The following OPCML variants were observed in gnomAD, a reference collection of about 807,000 sequenced individuals.
OPCML encodes opioid-binding protein/cell adhesion molecule.
Under a neutral mutation model 37.8 loss-of-function variants are expected in OPCML, and 13 were observed. That is an observed-to-expected ratio of 0.34 (90% CI 0.22 to 0.55). The LOEUF (loss-of-function observed/expected upper bound fraction) is 0.55, where lower values mean the gene tolerates loss of function less well. Ranked by LOEUF, OPCML falls within the 20% of genes least tolerant of loss-of-function variation. OPCML has a pLI of 0.91. For synonymous variants in OPCML, 176 were observed against 168.8 expected (o/e 1.04, Z -0.33); for missense variants, 341 against 435.6 (o/e 0.78, Z 1.93).
At chr11:133,002,336 G>T (rs1947020287) in intron 1 of OPCML, among the ~76,000 whole-genome samples, 2 of 152,176 alleles carry the variant, frequency 1.3e-5, no homozygotes. Context: ...TTCCAGGTCT[G>T]TATAGACAGA....
At chr11:132,861,790 G>A (rs1022881443) in intron 2 of OPCML, among the ~76,000 whole-genome samples, 27 of 148,638 alleles carry the variant, frequency 1.8e-4, no homozygotes, top group African/African-American at 5.5e-4. Flanking sequence ...AGCTGAGATC[G>A]CACCATTGCA....
At position 133,359,779 on chromosome 11, in the gene OPCML, T is replaced by C. The variant is rs546168478; in HGVS notation, c.61+172485A>G. Among the ~76,000 whole-genome samples, 10 of 152,348 alleles carry C rather than the reference T, an allele frequency of 6.6e-5. 1 individual carries two copies. Among genetic ancestry groups the C allele is most frequent in the Admixed American group, 6.5e-4 (10 of 15,308 alleles). ...CATGGAATGGAGCATATTTAACTTA[T>C]CTTGTTATCCTCGGTATTTAGCGTA... On this transcript the variant is annotated intron_variant, in intron 1 of 7. Transcript: ENST00000524381.
chr11:132,415,989 T>C lies in OPCML; in HGVS notation c.*4204A>G, dbSNP rs768988683. 2 of 152,638 alleles carry C rather than the reference T, an allele frequency of 1.3e-5. No individual in the cohort carries two copies. The highest frequency in any genetic ancestry group is 1.3e-4 in the Admixed American group (2 of 15,280). 9.5% of individuals were successfully genotyped at this position (152,638 alleles called of 1,614,324 possible). A position where few individuals can be genotyped will look rare whatever the true frequency, so the allele number is the denominator to read the frequency against. ...TTTTACTCAAGTGCTCAAACTTATTTGTCTTCAAGTAAAAAGACAGGGAAG... is the reference window on the plus strand; with the variant it reads ...TTTTACTCAAGTGCTCAAACTTATTCGTCTTCAAGTAAAAAGACAGGGAAG... On this transcript the variant is annotated 3_prime_UTR_variant, in exon 8 of 8. Transcript: ENST00000524381.
In OPCML at chr11:133,314,051, C is replaced by T. The variant is rs558600749; in HGVS notation, c.61+218213G>A. Among the ~76,000 whole-genome samples the T allele has an allele frequency of 1.5e-3, 226 of 150,980 alleles. 4 individuals carry two copies. Among genetic ancestry groups the T allele is most frequent in the Middle Eastern group, 0.01 (3 of 292 alleles). On this transcript the variant is annotated intron_variant, in intron 1 of 7. Coordinates refer to ENST00000524381, the MANE Select transcript of OPCML (RefSeq NM_001012393.5). ...GAGATCGAGACCATCCCGGCTAACA[C>T]GGTGAAACCTCGTCTCTACTAAAAA... is the stretch of plus-strand genomic sequence containing the variant.
At chr11:132,430,916 G>C (rs1402092340) in intron 7 of OPCML, among the ~76,000 whole-genome samples, 1 of 152,144 alleles carries the variant, frequency 6.6e-6, no homozygotes, top group Admixed American at 6.5e-5. Flanking sequence ...AGGATGGGGG[G>C]ATGGGGCTTC....
chr11:133,191,030 G>T (rs537694355), intron 1 of OPCML, among the ~76,000 whole-genome samples: 5 of 151,906 alleles, frequency 3.3e-5, no homozygotes, highest in Admixed American at 3.3e-4. Context: ...GAATATTAGG[G>T]TAACCACACC....
intron 1 of OPCML, among the ~76,000 whole-genome samples, chr11:132,964,288 C>T (rs191231658): frequency 2.0e-5 from 3 of 152,306 alleles, no homozygotes; most frequent in Admixed American, 2.0e-4. Flanking sequence ...CAGTTACAAG[C>T]CTGGTGTGCA....
chr11:133,043,001 G>T (rs1400564481), intron 1 of OPCML, among the ~76,000 whole-genome samples: 1 of 152,126 alleles, frequency 6.6e-6, no homozygotes, highest in Non-Finnish European at 1.5e-5. Flanking sequence ...AACACTTGCA[G>T]ACACCCAGCA....
At chr11:132,963,108 G>A (rs1407701214) in intron 1 of OPCML, among the ~76,000 whole-genome samples, 2 of 152,134 alleles carry the variant, frequency 1.3e-5, no homozygotes, top group African/African-American at 4.8e-5. Flanking sequence ...ATGCTTGCAG[G>A]GTGGGCTTCA....
At chr11:133,300,897 G>A (rs1942759621) in intron 1 of OPCML, 1 of 152,232 alleles carries the variant, frequency 6.6e-6, no homozygotes, top group African/African-American at 2.4e-5. Flanking sequence ...GAAGCTGGAA[G>A]AGAGGAGAAA....
chr11:132,972,811 C>G (rs1946372776), intron 1 of OPCML, among the ~76,000 whole-genome samples: 1 of 152,144 alleles, frequency 6.6e-6, no homozygotes, highest in African/African-American at 2.4e-5. Context: ...GAAACCGCAG[C>G]CCCCTGCTCC....
At chr11:133,333,488 T>C (rs1943672511) in intron 1 of OPCML, among the ~76,000 whole-genome samples, 1 of 152,022 alleles carries the variant, frequency 6.6e-6, no homozygotes, top group South Asian at 2.1e-4. Context: ...TACACAAAAA[T>C]CAACTCAAGA....
intron 1 of OPCML, among the ~76,000 whole-genome samples, chr11:133,003,068 A>G (rs1175534233): frequency 6.6e-6 from 1 of 152,234 alleles, no homozygotes; most frequent in Non-Finnish European, 1.5e-5. Flanking sequence ...CAGATATTGA[A>G]AAGAAAAACA....
intron 3 of OPCML, among the ~76,000 whole-genome samples, chr11:132,652,622 C>T (rs964106892): frequency 6.6e-6 from 1 of 152,192 alleles, no homozygotes; most frequent in Non-Finnish European, 1.5e-5. Flanking sequence ...ACTACAGCCT[C>T]CCAGGGCTTG....
chr11:133,054,993 C>A, intron 1 of OPCML, among the ~76,000 whole-genome samples: 1 of 148,260 alleles, frequency 6.7e-6, no homozygotes, highest in South Asian at 2.3e-4. Context: ...TACAATGCTG[C>A]CTCCATGATA....
chr11:132,600,408 G>A (rs1937771083), intron 3 of OPCML, among the ~76,000 whole-genome samples: 1 of 152,196 alleles, frequency 6.6e-6, no homozygotes. Context: ...GCCAGCATGG[G>A]TCTTCCCAGC....
chr11:133,070,123 TAA>T (rs1281751468), intron 1 of OPCML, among the ~76,000 whole-genome samples: 1 of 152,210 alleles, frequency 6.6e-6, no homozygotes, highest in African/African-American at 2.4e-5. Flanking sequence ...CGTTCCACCA[TAA>T]AGTGATTTAG....
chr11:133,330,519 A>G (rs1487013685), intron 1 of OPCML, among the ~76,000 whole-genome samples: 1 of 152,202 alleles, frequency 6.6e-6, no homozygotes, highest in Non-Finnish European at 1.5e-5. Context: ...AAAAATGATG[A>G]GTTCATGTCC....
intron 1 of OPCML, among the ~76,000 whole-genome samples, chr11:133,021,448 C>T (rs1435790723): frequency 6.6e-6 from 1 of 151,998 alleles, no homozygotes. Context: ...AGTTCACAAG[C>T]CGAAGACACA....
Sources: allele counts gnomAD v4.1 joint callset (sites outside exome capture counted in the v4.1 genomes callset), GRCh38; gene constraint gnomAD v4.1.1; transcripts MANE v1.5; gene names NCBI Gene and HGNC (gene_info 2026-07-23, HGNC 2026-07-21).